SACS: variants seen among roughly 807,000 people sequenced by gnomAD.
SACS encodes the protein sacsin.
A neutral mutation model predicts 348.0 loss-of-function variants in SACS; 197 were observed. That is an observed-to-expected ratio of 0.57 (90% CI 0.50 to 0.64). The LOEUF (loss-of-function observed/expected upper bound fraction) is 0.64, where lower values mean the gene tolerates loss of function less well. SACS is among the 30% of genes least tolerant of loss of function. The pLI is 0.00. For synonymous variants in SACS, 1,985 were observed against 1,910.6 expected, an observed-to-expected ratio of 1.04 and a Z score of -1.02; for missense variants, 4,999 against 5,360.8, an observed-to-expected ratio of 0.93 and a Z score of 2.11.
At chr13:23,398,666 T>C (rs938503267) in intron 2 of SACS, among the ~76,000 whole-genome samples, 1 of 152,144 alleles carries the variant, frequency 6.6e-6, no homozygotes, top group African/African-American at 2.4e-5. Context: ...CAAATATTAT[T>C]ATTTGAGGAC....
intron 7 of SACS, among the ~76,000 whole-genome samples, chr13:23,357,132 A>C (rs1870443837): frequency 6.6e-6 from 1 of 152,184 alleles, no homozygotes; most frequent in African/African-American, 2.4e-5. Flanking sequence ...TCAATGAGCA[A>C]TCAAAACCAC....
Position 23,368,385 on chromosome 13 carries a change from C to G in SACS, c.345+17G>C. ...TTTATCAAAGTAAATAACACATGAA[C>G]ACGACATGTGCCCCACCTTAAGAAT... On this transcript the variant is annotated intron_variant, in intron 5 of 9. Coordinates refer to ENST00000382292, the MANE Select transcript of SACS (RefSeq NM_014363.6). 1 of 1,565,158 alleles carries G rather than the reference C, an allele frequency of 6.4e-7. No homozygotes were observed. The highest frequency in any genetic ancestry group is 8.8e-7 in the Non-Finnish European group (1 of 1,138,920).
chr13:23,375,545 C>A (rs952403131), intron 2 of SACS: 3 of 1,065,906 alleles, frequency 2.8e-6, no homozygotes, highest in Non-Finnish European at 3.4e-6. Flanking sequence ...GAGGAGCAGG[C>A]GGGGGCGGGG....
chr13:23,399,084 G>A (rs1593172891), intron 2 of SACS, among the ~76,000 whole-genome samples: 1 of 145,848 alleles, frequency 6.9e-6, no homozygotes, highest in South Asian at 2.2e-4. Flanking sequence ...CAGGAGCATC[G>A]CCATCTTGGA....
At chr13:23,371,734 T>A (rs751704602) in intron 3 of SACS, among the ~76,000 whole-genome samples, 1 of 152,086 alleles carries the variant, frequency 6.6e-6, no homozygotes, top group Non-Finnish European at 1.5e-5. Context: ...ATAACACATA[T>A]CCATACATAC....
chr13:23,352,311 C>T (rs192814139), intron 9 of SACS, among the ~76,000 whole-genome samples: 1 of 152,356 alleles, frequency 6.6e-6, no homozygotes, highest in Admixed American at 6.5e-5. Flanking sequence ...ATGAATCTCA[C>T]CAGCATCACA....
At position 23,334,042 on chromosome 13, in the gene SACS, C is replaced by T. The variant is rs1174846895; in HGVS notation, c.9834G>A (p.Trp3278Ter). Residue 3278 changes from tryptophan to a stop codon, truncating the protein, a stop_gained, in exon 10 of 10, where the codon TGG becomes TGA. Transcript: ENST00000382292. LOFTEE classifies it high-confidence loss of function. ...FDIVVDTLKD[W>*]ALLPGTKFTV... ...TAAACTTTGTTCCTGGAAGCAATGC[C>T]CAGTCTTTTAGAGTATCAACAACAA... 1 of 1,613,792 alleles carries T rather than the reference C, an allele frequency of 6.2e-7. No individual in the cohort carries two copies.
In SACS at chr13:23,411,528, C is replaced by T. The variant is rs1003410154; in HGVS notation, c.-289G>A. On this transcript the variant is annotated 5_prime_UTR_variant, in exon 2 of 10. Coordinates refer to ENST00000382292, the MANE Select transcript of SACS (RefSeq NM_014363.6). ...TTCTCAGGATAAAACAGTGTGGATT[C>T]GCTAAAGGTTTTTGGCTTTCCCCCA... 1.8e-5 allele frequency: 7 copies of T among 390,772 alleles called. No individual in the cohort carries two copies. The highest frequency in any genetic ancestry group is 4.5e-5 in the Admixed American group (1 of 22,016). 24.2% of individuals were successfully genotyped at this position (390,772 alleles called of 1,614,324 possible). A position where few individuals can be genotyped will look rare whatever the true frequency, so the allele number is the denominator to read the frequency against.
rs572128425 is a variant in SACS at position 23,332,948 on chromosome 13, T to C, written c.10928A>G (p.Asn3643Ser). 3 of 1,613,872 alleles carry C rather than the reference T, an allele frequency of 1.9e-6. No homozygotes were observed. The highest frequency in any genetic ancestry group is 1.3e-5 in the African/African-American group (1 of 75,042). Reference protein sequence around the residue: ...FQERMDLLSGNFLKELSLIPF... With the variant: ...FQERMDLLSGSFLKELSLIPF... ...TATTAAAGATAGTTCTTTCAGAAAA[T>C]TTCCAGATAACAAATCCATTCGTTC... The change falls in exon 10 of 10, where the codon AAT (asparagine) becomes AGT (serine). Residue 3643 changes from asparagine (N) to serine (S), a missense_variant. Asn to Ser is a conservative substitution (Grantham distance 46). Transcript: ENST00000382292.
chr13:23,346,894 A>T (rs1869641859), intron 9 of SACS: 1 of 639,060 alleles, frequency 1.6e-6, no homozygotes, highest in Non-Finnish European at 1.9e-6. Context: ...TTTTCACATG[A>T]TGGCTACAGA....
chr13:23,379,339 C>G (rs1212189990), intron 2 of SACS, among the ~76,000 whole-genome samples: 1 of 152,166 alleles, frequency 6.6e-6, no homozygotes, highest in Admixed American at 6.5e-5. Flanking sequence ...GGTGTCCCGA[C>G]AAAGAAGCCT....
rs771083587 is a variant in SACS, at chr13:23,337,126, A to G, written c.6750T>C (p.His2250=). The change falls in exon 10 of 10, where the codon CAT becomes CAC. Residue 2250 remains histidine, a synonymous_variant. Transcript: ENST00000382292. The part of the protein sequence containing the change: ...FAATDLYTAE[H]QDIVCLLQPI... ...GTTGCAAAAGACAAACTATATCTTG[A>G]TGTTCAGCTGTATAAAGGTCAGTTG... 3.7e-6 allele frequency: 6 copies of G among 1,614,006 alleles called. No individual in the cohort carries two copies. In the Admixed American group the frequency reaches 1.0e-4, roughly 27 times the overall value.
intron 6 of SACS, among the ~76,000 whole-genome samples, chr13:23,364,230 C>A (rs1440887219): frequency 6.6e-6 from 1 of 152,216 alleles, no homozygotes; most frequent in Admixed American, 6.5e-5. Context: ...TGACTTAAAT[C>A]TCTTTAAAAA....
At chr13:23,363,956 A>T (rs2709241) in intron 6 of SACS, among the ~76,000 whole-genome samples, 19 of 152,118 alleles carry the variant, frequency 1.2e-4, no homozygotes, top group African/African-American at 4.3e-4. Context: ...GAGACAAGAT[A>T]CCTTGCAGGC....
At chr13:23,380,013 T>C (rs1459320207) in intron 2 of SACS, among the ~76,000 whole-genome samples, 1 of 152,156 alleles carries the variant, frequency 6.6e-6, no homozygotes, top group Admixed American at 6.5e-5. Flanking sequence ...CAGCCTGATC[T>C]ACCTGTCACA....
intron 2 of SACS, among the ~76,000 whole-genome samples, chr13:23,409,711 C>G (rs1873407497): frequency 1.3e-5 from 2 of 152,160 alleles, no homozygotes; most frequent in African/African-American, 4.8e-5. Context: ...AACATCTACT[C>G]TGTGTGTTCA....
intron 2 of SACS, chr13:23,375,568 C>G (rs1424270553): frequency 9.7e-7 from 1 of 1,032,030 alleles, no homozygotes; most frequent in Non-Finnish European, 1.2e-6. Flanking sequence ...TGCGCGCTCC[C>G]GGCCCACTCC....
chr13:23,368,268 C>A lies in SACS; in HGVS notation c.345+134G>T, dbSNP rs907507998. ...GCTATACACTGCTATACACTGCAGC[C>A]ACAGAGGTATAATACAGCTATTTGA... On this transcript the variant is annotated intron_variant, in intron 5 of 9. Transcript: ENST00000382292. 10 of 645,852 alleles carry A rather than the reference C, an allele frequency of 1.5e-5. No homozygotes were observed. The African/African-American group carries it at 1.8e-4, about 12-fold the overall frequency. The allele number at this position is 645,852 out of a possible 1,614,324, so 40.0% of individuals were successfully genotyped here.
In SACS at chr13:23,332,096, G is replaced by A. The variant is rs142926244; in HGVS notation, c.11780C>T (p.Ala3927Val). Residue 3927 changes from alanine to valine, a missense_variant, in exon 10 of 10, where the codon GCG becomes GTG. Physicochemically the swap from Ala to Val is moderately conservative, Grantham distance 64. Transcript: ENST00000382292. ...CTGGATTCTACTTTTATAATGTGGCGCATCGTCAAACACTAAGATGCTTGA... is the reference window on the plus strand; with the variant it reads ...CTGGATTCTACTTTTATAATGTGGCACATCGTCAAACACTAAGATGCTTGA... ...VKSSILVFDD[A>V]PHYKSRIQGN... The A allele has an allele frequency of 8.0e-5, 129 of 1,613,816 alleles. No individual in the cohort carries two copies. Among genetic ancestry groups the A allele is most frequent in the Non-Finnish European group, 9.6e-5 (113 of 1,179,950 alleles).
Sources: allele counts gnomAD v4.1 joint callset (sites outside exome capture counted in the v4.1 genomes callset), GRCh38; gene constraint gnomAD v4.1.1; transcripts MANE v1.5; gene names NCBI Gene and HGNC (gene_info 2026-07-23, HGNC 2026-07-21).